Variants in RPSA2 observed in about 807,000 individuals in gnomAD.
The protein encoded by RPSA2 is small ribosomal subunit protein uS2B.
At chr19:23,803,971 A>G in the RPSA2 span, among the ~76,000 whole-genome samples, 7 of 152,158 alleles carry the variant, frequency 4.6e-5, no homozygotes, top group Non-Finnish European at 1.0e-4. Flanking sequence ...TTCTTATTCT[A>G]AATCCTTGGA....
At chr19:23,783,539 CAA>C in the RPSA2 span, among the ~76,000 whole-genome samples, 4 of 131,026 alleles carry the variant, frequency 3.1e-5, no homozygotes, top group Admixed American at 7.9e-5. Context: ...TGAGCACTGC[CAA>C]AAAAAAAAAA....
chr19:23,850,743 G>T, the RPSA2 span, among the ~76,000 whole-genome samples: 1 of 152,010 alleles, frequency 6.6e-6, no homozygotes, highest in Non-Finnish European at 1.5e-5. Flanking sequence ...CATTTAGGGA[G>T]AATTTTTTTT....
chr19:23,866,382 A>T, the RPSA2 span, among the ~76,000 whole-genome samples: 1 of 152,226 alleles, frequency 6.6e-6, no homozygotes, highest in East Asian at 1.9e-4. Flanking sequence ...CTAGTTTAAT[A>T]GTTGACAAAT....
chr19:23,861,032 C>G, the RPSA2 span, among the ~76,000 whole-genome samples: 1 of 152,058 alleles, frequency 6.6e-6, no homozygotes. Context: ...AGCAATACAA[C>G]AAAGAAATAA....
chr19:23,764,639 C>T, the RPSA2 span, among the ~76,000 whole-genome samples: 1 of 151,894 alleles, frequency 6.6e-6, no homozygotes, highest in Non-Finnish European at 1.5e-5. Context: ...ACCACTGTGC[C>T]CTGCTAATTT....
chr19:23,783,745 A>G, the RPSA2 span, among the ~76,000 whole-genome samples: 14 of 151,946 alleles, frequency 9.2e-5, no homozygotes, highest in Admixed American at 8.5e-4. Flanking sequence ...GGGAGATGAA[A>G]CCCTATACTT....
At chr19:23,819,963 CA>C in the RPSA2 span, among the ~76,000 whole-genome samples, 1 of 152,218 alleles carries the variant, frequency 6.6e-6, no homozygotes, top group African/African-American at 2.4e-5. Context: ...ACGCTAGAGT[CA>C]GGGGCAGTCG....
At chr19:23,759,016 A>G in the RPSA2 span, 2 of 559,336 alleles carry the variant, frequency 3.6e-6, no homozygotes, top group African/African-American at 3.8e-5. Context: ...CCTGAGTGAC[A>G]GAAGATGTGA....
the RPSA2 span, among the ~76,000 whole-genome samples, chr19:23,759,086 C>A: frequency 6.6e-5 from 10 of 152,248 alleles, no homozygotes; most frequent in African/African-American, 2.4e-4. Flanking sequence ...AGACAGGGCT[C>A]CCTCCCTGAG....
At chr19:23,845,620 T>C in the RPSA2 span, among the ~76,000 whole-genome samples, 5 of 152,218 alleles carry the variant, frequency 3.3e-5, no homozygotes, top group Admixed American at 3.3e-4. Context: ...GCCTCCTGAG[T>C]AGCTAGTATC....
the RPSA2 span, among the ~76,000 whole-genome samples, chr19:23,834,315 A>G: frequency 2.4e-3 from 17 of 7,080 alleles, no homozygotes; most frequent in Non-Finnish European, 5.3e-3. Flanking sequence ...AAATTACTTC[A>G]TGCTCTTCCA....
the RPSA2 span, among the ~76,000 whole-genome samples, chr19:23,859,321 C>A: frequency 1.3e-5 from 2 of 152,082 alleles, no homozygotes; most frequent in African/African-American, 4.8e-5. Flanking sequence ...TTTAATGGAA[C>A]ATGTTATTTA....
At chr19:23,860,762 A>G in the RPSA2 span, among the ~76,000 whole-genome samples, 1 of 152,206 alleles carries the variant, frequency 6.6e-6, no homozygotes, top group African/African-American at 2.4e-5. Context: ...AAGATAAGTC[A>G]GTGAAAATTG....
At chr19:23,805,133 ACACACACACACACACAC>A in the RPSA2 span, among the ~76,000 whole-genome samples, 14 of 622 alleles carry the variant, frequency 0.023, 1 homozygote, top group South Asian at 0.37. Flanking sequence ...ACACACACAC[ACACACACACACACACAC>A]ACACACACAC....
At chr19:23,869,543 G>A in the RPSA2 span, among the ~76,000 whole-genome samples, 8 of 152,240 alleles carry the variant, frequency 5.3e-5, no homozygotes, top group Admixed American at 1.3e-4. Context: ...GTGGATTGGG[G>A]AACTAAAGGT....
the RPSA2 span, among the ~76,000 whole-genome samples, chr19:23,784,154 C>T: frequency 6.6e-5 from 10 of 152,336 alleles, no homozygotes; most frequent in South Asian, 6.2e-4. Flanking sequence ...CTCACAGCTA[C>T]GCTTAGGAAA....
At chr19:23,806,243 C>T in the RPSA2 span, among the ~76,000 whole-genome samples, 3 of 151,682 alleles carry the variant, frequency 2.0e-5, no homozygotes, top group Non-Finnish European at 4.4e-5. Flanking sequence ...CGGGGTTTTA[C>T]CATGTTGGTC....
At chr19:23,866,095 A>G in the RPSA2 span, among the ~76,000 whole-genome samples, 2 of 152,170 alleles carry the variant, frequency 1.3e-5, no homozygotes, top group African/African-American at 4.8e-5. Context: ...CCCTTTTCAG[A>G]TCTGGTACAA....
the RPSA2 span, among the ~76,000 whole-genome samples, chr19:23,784,097 A>T: frequency 6.6e-6 from 1 of 152,218 alleles, no homozygotes; most frequent in Non-Finnish European, 1.5e-5. Flanking sequence ...CACAGATGTA[A>T]TGATGACTCT....
Sources: gnomAD v4.1 joint callset for allele counts (sites outside exome capture counted in the v4.1 genomes callset) on GRCh38, gnomAD v4.1.1 for gene constraint, MANE v1.5 for transcripts, NCBI Gene and HGNC (gene_info 2026-07-23, HGNC 2026-07-21) for gene names.